Variants in ANKFN1 observed in about 807,000 individuals in gnomAD.
The protein encoded by ANKFN1 is ankyrin repeat and fibronectin type III domain containing 1.
ANKFN1 carries 74 observed loss-of-function variants against 108.7 expected under a neutral mutation model. That is an observed-to-expected ratio of 0.68 (90% confidence interval 0.56 to 0.83). ANKFN1 has a LOEUF of 0.83. ANKFN1 is among the 40% of genes least tolerant of loss of function. The pLI, the probability that ANKFN1 is intolerant of heterozygous loss-of-function variation, is 0.00. For missense variants in ANKFN1, 1,505 were observed against 1,382.3 expected (o/e 1.09, Z -1.41); for synonymous variants, 547 against 516.2 (o/e 1.06, Z -0.81).
intron 4 of ANKFN1, among the ~76,000 whole-genome samples, chr17:56,140,572 C>T (rs1048963153): frequency 6.6e-6 from 1 of 152,084 alleles, no homozygotes; most frequent in African/African-American, 2.4e-5. Flanking sequence ...TTTTGAATCC[C>T]GACTCTGCCA....
chr17:56,128,909 G>A (rs550220837), intron 4 of ANKFN1, among the ~76,000 whole-genome samples: 1 of 152,260 alleles, frequency 6.6e-6, no homozygotes, highest in South Asian at 2.1e-4. Context: ...TCACATATTT[G>A]GGATAAACAC....
chr17:56,491,090 G>A (rs2051022678), intron 18 of ANKFN1, among the ~76,000 whole-genome samples: 1 of 152,056 alleles, frequency 6.6e-6, no homozygotes, highest in South Asian at 2.1e-4. Flanking sequence ...TCCCTAAATG[G>A]CCAGATCTGG....
chr17:56,304,069 A>C (rs2144387848), intron 3 of ANKFN1, among the ~76,000 whole-genome samples: 1 of 152,208 alleles, frequency 6.6e-6, no homozygotes, highest in South Asian at 2.1e-4. Context: ...TACCACAACC[A>C]GAATATTGAT....
intron 4 of ANKFN1, among the ~76,000 whole-genome samples, chr17:56,049,110 G>A (rs1904729940): frequency 1.3e-5 from 2 of 152,144 alleles, no homozygotes; most frequent in African/African-American, 2.4e-5. Flanking sequence ...ACCTGCTGTG[G>A]GGACAATTTT....
intron 1 of ANKFN1, among the ~76,000 whole-genome samples, chr17:56,163,123 G>A (rs1213189700): frequency 1.3e-5 from 2 of 151,916 alleles, no homozygotes; most frequent in Non-Finnish European, 2.9e-5. Flanking sequence ...TGCTGGTTGA[G>A]CTCACCAGAA....
At chr17:56,214,501 G>A (rs1915278395) in intron 2 of ANKFN1, among the ~76,000 whole-genome samples, 1 of 152,174 alleles carries the variant, frequency 6.6e-6, no homozygotes, top group African/African-American at 2.4e-5. Context: ...ATGGGATGAT[G>A]CTCCCTATTG....
chr17:56,264,274 C>T (rs2043594368), intron 3 of ANKFN1, among the ~76,000 whole-genome samples: 1 of 152,180 alleles, frequency 6.6e-6, no homozygotes. Context: ...GCCTCTTCTC[C>T]TCTGCAGAAG....
intron 9 of ANKFN1, among the ~76,000 whole-genome samples, chr17:56,441,771 T>A (rs1006637863): frequency 9.2e-5 from 14 of 152,038 alleles, no homozygotes; most frequent in Non-Finnish European, 1.8e-4. Flanking sequence ...AGCCTAGGAG[T>A]AGATTTATAC....
chr17:56,104,607 C>T (rs1255844435), intron 4 of ANKFN1, among the ~76,000 whole-genome samples: 1 of 152,196 alleles, frequency 6.6e-6, no homozygotes, highest in Non-Finnish European at 1.5e-5. Context: ...GCTAGCCCTT[C>T]CCCTGGTTCC....
rs1021715119 is a variant in ANKFN1, at chr17:56,514,221, C to T, written c.*2952C>T. On this transcript the variant is annotated 3_prime_UTR_variant, in exon 21 of 21. Transcript: ENST00000682825. ...TCATTTGTGAAAATCCTCAAAAATC[C>T]TTGACTGAGGTTCTCCCATATGTCT... is the stretch of plus-strand genomic sequence containing the variant. Among the ~76,000 whole-genome samples the T allele has an allele frequency of 2.0e-5, 3 of 152,096 alleles. No homozygotes were observed. The highest frequency in any genetic ancestry group is 2.9e-5 in the Non-Finnish European group (2 of 68,010).
At chr17:56,475,511 A>ATATTC in intron 15 of ANKFN1, among the ~76,000 whole-genome samples, 1 of 152,290 alleles carries the variant, frequency 6.6e-6, no homozygotes, top group Admixed American at 6.5e-5. Flanking sequence ...TTTCCATTCC[A>ATATTC]TATAGAATTC....
At chr17:56,119,568 G>A (rs1032910716) in intron 4 of ANKFN1, among the ~76,000 whole-genome samples, 3 of 152,056 alleles carry the variant, frequency 2.0e-5, no homozygotes, top group East Asian at 1.9e-4. Flanking sequence ...TAACTAGCAG[G>A]GAAAGAAACA....
intron 8 of ANKFN1, among the ~76,000 whole-genome samples, chr17:56,378,461 C>T (rs1182178806): frequency 1.3e-5 from 2 of 152,066 alleles, no homozygotes; most frequent in Admixed American, 6.6e-5. Flanking sequence ...TCCTCCTACA[C>T]CTTGTAGTTG....
At chr17:56,156,247 T>C (rs1291664373) in intron 1 of ANKFN1, among the ~76,000 whole-genome samples, 1 of 151,444 alleles carries the variant, frequency 6.6e-6, no homozygotes, top group Admixed American at 6.6e-5. Flanking sequence ...TCCAGGCTAA[T>C]TTTTTTGTTG....
intron 3 of ANKFN1, among the ~76,000 whole-genome samples, chr17:56,265,258 A>C (rs558083453): frequency 6.6e-6 from 1 of 152,204 alleles, no homozygotes; most frequent in African/African-American, 2.4e-5. Flanking sequence ...ACTCAGTTTC[A>C]CAAGGCTGGA....
chr17:56,287,240 C>T (rs908838937), intron 3 of ANKFN1, among the ~76,000 whole-genome samples: 15 of 152,096 alleles, frequency 9.9e-5, no homozygotes, highest in Non-Finnish European at 7.4e-5. Context: ...CTTTCCATTA[C>T]CAACCAACCT....
At chr17:56,487,704 G>A (rs538632146) in intron 18 of ANKFN1, among the ~76,000 whole-genome samples, 26 of 152,234 alleles carry the variant, frequency 1.7e-4, no homozygotes, top group South Asian at 1.2e-3. Context: ...TATCCCTACC[G>A]ATATTCTTCA....
At chr17:56,303,975 C>T (rs1458160566) in intron 3 of ANKFN1, among the ~76,000 whole-genome samples, 3 of 151,504 alleles carry the variant, frequency 2.0e-5, no homozygotes, top group Non-Finnish European at 2.9e-5. Context: ...GGATTACAGG[C>T]GTGAGCCACC....
chr17:56,385,388 A>G (rs528757729), intron 8 of ANKFN1, among the ~76,000 whole-genome samples: 19 of 152,350 alleles, frequency 1.2e-4, no homozygotes, highest in South Asian at 1.2e-3. Context: ...CCTAGGCATT[A>G]CCATTCAGGA....
Sources: gnomAD v4.1 joint callset for allele counts (sites outside exome capture counted in the v4.1 genomes callset) on GRCh38, gnomAD v4.1.1 for gene constraint, MANE v1.5 for transcripts, NCBI Gene and HGNC (gene_info 2026-07-23, HGNC 2026-07-21) for gene names.